The following VMP1 variants were observed in gnomAD, a reference collection of about 807,000 sequenced individuals.
VMP1 encodes vacuole membrane protein 1, also known as ectopic P-granules autophagy protein 3 homolog.
VMP1 carries 11 observed loss-of-function variants against 56.0 expected under a neutral mutation model. That is an observed-to-expected ratio of 0.20 (90% CI 0.12 to 0.32). The LOEUF (loss-of-function observed/expected upper bound fraction) is 0.32, where lower values mean the gene tolerates loss of function less well. Ranked by LOEUF, VMP1 falls within the 10% of genes least tolerant of loss-of-function variation. The probability of loss-of-function intolerance (pLI) is 1.00; values close to 1 mark genes in which losing one functional copy is unlikely to be tolerated. For missense variants in VMP1, 296 were observed against 490.3 expected (o/e 0.60, Z 3.74); for synonymous variants, 149 against 165.0 (o/e 0.90, Z 0.74).
chr17:59,808,124 T>C (rs1568185662), intron 7 of VMP1, among the ~76,000 whole-genome samples: 1 of 152,336 alleles, frequency 6.6e-6, no homozygotes, highest in Non-Finnish European at 1.5e-5. Context: ...TAAAAAGCAC[T>C]GATTTCACAG....
At position 59,708,804 on chromosome 17, in the gene VMP1, A is replaced by G. The variant is rs540998459; in HGVS notation, c.-27+1056A>G. 3.9e-5 allele frequency among the ~76,000 whole-genome samples: 6 copies of G among 152,348 alleles called. No homozygotes were observed. The East Asian group carries it at 9.6e-4, about 24-fold the overall frequency. On this transcript the variant is annotated intron_variant, in intron 1 of 11. Coordinates refer to ENST00000262291, the MANE Select transcript of VMP1 (RefSeq NM_030938.5). ...GGAAGAAACTTACTTACTAGGCATC[A>G]TTGTATGCATTGTAGCTTATGTTTT...
At chr17:59,838,100 CTTTTTTTTTTTT>C in intron 10 of VMP1, 183 bp from the exon 11 acceptor site, 1 of 127,240 alleles carries the variant, frequency 7.9e-6, no homozygotes. Flanking sequence ...AGTAAATTTT[CTTTTTTTTTTTT>C]TTTTTTTTTA....
At chr17:59,828,738 T>C (rs2038719191) in intron 10 of VMP1, among the ~76,000 whole-genome samples, 1 of 152,176 alleles carries the variant, frequency 6.6e-6, no homozygotes, top group African/African-American at 2.4e-5. Context: ...TAAAGAAACA[T>C]GATTAGGGGG....
intron 7 of VMP1, among the ~76,000 whole-genome samples, chr17:59,779,183 A>T (rs921853295): frequency 2.6e-5 from 4 of 152,222 alleles, no homozygotes; most frequent in African/African-American, 9.6e-5. Context: ...CTGCTGACAC[A>T]CTAAAGCTAG....
intron 3 of VMP1, 89 bp downstream of exon 3, chr17:59,735,562 T>TC (rs1245886428): frequency 9.5e-6 from 13 of 1,362,946 alleles, no homozygotes; most frequent in South Asian, 3.9e-5. Context: ...TGCCCTCTAC[T>TC]CCATCAAAAT....
Position 59,773,865 on chromosome 17 carries a change from G to C in VMP1, c.694G>C (p.Glu232Gln). Residue 232 changes from glutamate to glutamine, a missense_variant, in exon 7 of 12, where the codon GAA becomes CAA. Transcript: ENST00000262291. Reference sequence around the variant, plus strand: ...GTATCAGGAATTTGAAGAGATGCTGGAACATGCAGAGTCTGCACAAGTAAG... The same window carrying C: ...GTATCAGGAATTTGAAGAGATGCTGCAACATGCAGAGTCTGCACAAGTAAG... ...EEYQEFEEML[E>Q]HAESAQDFAS... 1 of 1,612,770 alleles carries C rather than the reference G, an allele frequency of 6.2e-7. No individual in the cohort carries two copies. Among genetic ancestry groups the C allele is most frequent in the Non-Finnish European group, 8.5e-7 (1 of 1,179,500 alleles).
At chr17:59,791,979 T>A (rs1240038264) in intron 7 of VMP1, among the ~76,000 whole-genome samples, 3 of 152,106 alleles carry the variant, frequency 2.0e-5, no homozygotes, top group African/African-American at 7.2e-5. Context: ...TTTGTTAAGA[T>A]TGGTTCTATT....
chr17:59,741,282 G>A (rs1022715337), intron 5 of VMP1, among the ~76,000 whole-genome samples: 1 of 152,142 alleles, frequency 6.6e-6, no homozygotes, highest in Non-Finnish European at 1.5e-5. Context: ...CCTGGCTATA[G>A]TGTGGGAGAT....
intron 9 of VMP1, among the ~76,000 whole-genome samples, chr17:59,813,336 G>C (rs2038117880): frequency 6.6e-6 from 1 of 152,104 alleles, no homozygotes; most frequent in East Asian, 1.9e-4. Flanking sequence ...CCAGCACTTT[G>C]GGAGGCCGAG....
chr17:59,832,544 AT>A (rs1442537376), intron 10 of VMP1, among the ~76,000 whole-genome samples: 1 of 151,360 alleles, frequency 6.6e-6, no homozygotes, highest in Non-Finnish European at 1.5e-5. Flanking sequence ...CTTCTACTTT[AT>A]GTTCTTCTAT....
At position 59,821,264 on chromosome 17, in the gene VMP1, C is replaced by T. The variant is rs141094720; in HGVS notation, c.974+3491C>T. ...GGATTACAGGTGTGAGCCACTGCAC[C>T]TGACCTATCTTACGTCTTTCAAAGT... On this transcript the variant is annotated intron_variant, in intron 10 of 11. Coordinates refer to ENST00000262291, the MANE Select transcript of VMP1 (RefSeq NM_030938.5). Among the ~76,000 whole-genome samples, 4 of 152,208 alleles carry T rather than the reference C, an allele frequency of 2.6e-5. No individual in the cohort carries two copies. The East Asian group carries it at 7.7e-4, about 29-fold the overall frequency.
At chr17:59,739,433 G>T (rs959085934) in intron 5 of VMP1, among the ~76,000 whole-genome samples, 1 of 152,198 alleles carries the variant, frequency 6.6e-6, no homozygotes, top group Non-Finnish European at 1.5e-5. Flanking sequence ...TATAAAAAGT[G>T]CCCCTTCTGG....
chr17:59,789,599 T>G (rs1267831917), intron 7 of VMP1, among the ~76,000 whole-genome samples: 2 of 152,042 alleles, frequency 1.3e-5, no homozygotes, highest in African/African-American at 2.4e-5. Flanking sequence ...CTTATGAGTC[T>G]GTAAATCAGT....
At chr17:59,812,873 G>A (rs948286966) in intron 9 of VMP1, among the ~76,000 whole-genome samples, 7 of 152,182 alleles carry the variant, frequency 4.6e-5, no homozygotes, top group Admixed American at 2.0e-4. Context: ...GGAGGTTGCA[G>A]TGAGCCAAGA....
chr17:59,836,938 A>G (rs2039001977), intron 10 of VMP1, among the ~76,000 whole-genome samples: 1 of 152,104 alleles, frequency 6.6e-6, no homozygotes, highest in African/African-American at 2.4e-5. Flanking sequence ...GCGGTGGCTC[A>G]CACCTGTAAT....
At chr17:59,757,864 T>C (rs1351835165) in intron 5 of VMP1, among the ~76,000 whole-genome samples, 3 of 140,474 alleles carry the variant, frequency 2.1e-5, no homozygotes, top group Non-Finnish European at 4.6e-5. Context: ...TGCCACTTTT[T>C]TTTTTTTTTT....
intron 6 of VMP1, 37 bp downstream of exon 6, chr17:59,765,175 C>T (rs1327135721): frequency 1.2e-6 from 2 of 1,601,606 alleles, no homozygotes; most frequent in Non-Finnish European, 1.7e-6. Context: ...TAAAACTAAC[C>T]TCACCATCTT....
chr17:59,796,197 A>G (rs1181602456), intron 7 of VMP1, among the ~76,000 whole-genome samples: 2 of 152,160 alleles, frequency 1.3e-5, no homozygotes, highest in African/African-American at 4.8e-5. Flanking sequence ...CTTCTCATAG[A>G]TTGTCAGCAT....
At chr17:59,770,788 G>A (rs2036396630) in intron 6 of VMP1, among the ~76,000 whole-genome samples, 1 of 151,856 alleles carries the variant, frequency 6.6e-6, no homozygotes, top group Non-Finnish European at 1.5e-5. Context: ...CACAATGTTG[G>A]TCAGACTGGT....
Sources: allele counts gnomAD v4.1 joint callset (sites outside exome capture counted in the v4.1 genomes callset), GRCh38; gene constraint gnomAD v4.1.1; transcripts MANE v1.5; gene names NCBI Gene and HGNC (gene_info 2026-07-23, HGNC 2026-07-21).